Variants in RIPOR2 observed in about 807,000 individuals in gnomAD.
RIPOR2 encodes the protein RHO family interacting cell polarization regulator 2, also known as rho family-interacting cell polarization regulator 2.
RIPOR2 carries 39 observed loss-of-function variants against 114.5 expected under a neutral mutation model. That is an observed-to-expected ratio of 0.34 (90% CI 0.26 to 0.44). RIPOR2 has a LOEUF of 0.44. RIPOR2 is among the 20% of genes least tolerant of loss of function. The pLI is 1.00. For missense variants in RIPOR2, 1,007 were observed against 1,255.1 expected (o/e 0.80, Z 2.99); for synonymous variants, 445 against 484.4 (o/e 0.92, Z 1.07).
At chr6:24,907,756 A>G (rs1281965144) in intron 1 of RIPOR2, among the ~76,000 whole-genome samples, 3 of 152,208 alleles carry the variant, frequency 2.0e-5, no homozygotes, top group Admixed American at 6.5e-5. Flanking sequence ...GAAACTGCCT[A>G]TAAGTAAATG....
intron 1 of RIPOR2, among the ~76,000 whole-genome samples, chr6:25,020,200 A>G (rs1007834762): frequency 2.6e-5 from 4 of 152,242 alleles, no homozygotes; most frequent in African/African-American, 9.6e-5. Flanking sequence ...GGAATAATAA[A>G]CCAAGTAAGT....
chr6:25,035,483 A>G (rs956746289), intron 1 of RIPOR2, among the ~76,000 whole-genome samples: 25 of 152,158 alleles, frequency 1.6e-4, no homozygotes, highest in African/African-American at 5.8e-4. Context: ...TGTTGGTCAG[A>G]ACGGCAGCAA....
intron 19 of RIPOR2, 56 bp from the exon 20 acceptor site, chr6:24,818,681 G>T: frequency 1.8e-6 from 2 of 1,098,070 alleles, no homozygotes; most frequent in Non-Finnish European, 2.6e-6. Flanking sequence ...TAGTTTAAGA[G>T]GTATACCTCA....
intron 1 of RIPOR2, among the ~76,000 whole-genome samples, chr6:24,984,150 A>G (rs1269550239): frequency 1.3e-5 from 2 of 152,216 alleles, no homozygotes; most frequent in African/African-American, 2.4e-5. Flanking sequence ...AGAGAGAAAA[A>G]GAAATAAACT....
chr6:25,034,285 C>T (rs1312335806), intron 1 of RIPOR2, among the ~76,000 whole-genome samples: 2 of 138,344 alleles, frequency 1.4e-5, no homozygotes, highest in East Asian at 4.3e-4. Context: ...GTGCTACTGC[C>T]CAAGTTTACA....
chr6:24,950,267 C>T (rs1380035748), intron 1 of RIPOR2, among the ~76,000 whole-genome samples: 1 of 152,192 alleles, frequency 6.6e-6, no homozygotes, highest in East Asian at 1.9e-4. Flanking sequence ...CTGTCAAGTA[C>T]TTGCTTGGGC....
At chr6:25,019,496 G>A (rs1354440166) in intron 1 of RIPOR2, among the ~76,000 whole-genome samples, 7 of 152,066 alleles carry the variant, frequency 4.6e-5, no homozygotes, top group South Asian at 2.1e-4. Flanking sequence ...TCGGCGGGGC[G>A]CGGTGGCTCA....
intron 1 of RIPOR2, chr6:24,948,261 T>C (rs1772544419): frequency 6.6e-6 from 1 of 152,188 alleles, no homozygotes; most frequent in Admixed American, 6.5e-5. Flanking sequence ...AAAACTTCGA[T>C]TCCTGGATGT....
chr6:25,016,313 T>C (rs1053582737), intron 1 of RIPOR2, among the ~76,000 whole-genome samples: 1 of 152,082 alleles, frequency 6.6e-6, no homozygotes, highest in Non-Finnish European at 1.5e-5. Flanking sequence ...AAGCCCACAA[T>C]GTTGAAAAAT....
At chr6:24,886,815 T>G (rs1299003817) in intron 1 of RIPOR2, among the ~76,000 whole-genome samples, 1 of 152,222 alleles carries the variant, frequency 6.6e-6, no homozygotes, top group African/African-American at 2.4e-5. Context: ...TGATACATAG[T>G]TGGTAAGGAG....
At chr6:24,870,072 A>AG (rs1765012090) in intron 5 of RIPOR2, among the ~76,000 whole-genome samples, 1 of 152,226 alleles carries the variant, frequency 6.6e-6, no homozygotes, top group South Asian at 2.1e-4. Flanking sequence ...AAAAAGAAAG[A>AG]GAAAAAAAAT....
At chr6:24,894,894 TG>T (rs1767709422) in intron 1 of RIPOR2, among the ~76,000 whole-genome samples, 1 of 152,190 alleles carries the variant, frequency 6.6e-6, no homozygotes, top group Non-Finnish European at 1.5e-5. Flanking sequence ...TGGGTTTATT[TG>T]AAGACATCTG....
At chr6:25,011,484 A>G (rs1447770875) in intron 1 of RIPOR2, among the ~76,000 whole-genome samples, 1 of 152,200 alleles carries the variant, frequency 6.6e-6, no homozygotes. Flanking sequence ...ATCAAACCAC[A>G]GTTTAGTCTG....
chr6:24,987,164 T>A (rs1774566539), intron 1 of RIPOR2, among the ~76,000 whole-genome samples: 1 of 152,148 alleles, frequency 6.6e-6, no homozygotes, highest in Non-Finnish European at 1.5e-5. Flanking sequence ...TGCCCAACTC[T>A]CAACTGACTG....
At chr6:24,847,470 G>A (rs1581578761) in intron 12 of RIPOR2, 3 of 1,458,576 alleles carry the variant, frequency 2.1e-6, no homozygotes, top group East Asian at 5.0e-5. Context: ...GATAAAACAA[G>A]AGACATGCTA....
intron 1 of RIPOR2, among the ~76,000 whole-genome samples, chr6:24,899,320 G>A (rs533353313): frequency 1.2e-4 from 19 of 152,224 alleles, no homozygotes; most frequent in African/African-American, 4.1e-4. Flanking sequence ...TTGAAAAATG[G>A]GCACTTCTGG....
At chr6:24,938,096 A>G (rs569884600), upstream of RIPOR2, among the ~76,000 whole-genome samples, 1 of 152,270 alleles carries the variant, frequency 6.6e-6, no homozygotes, top group Non-Finnish European at 1.5e-5. Flanking sequence ...TCAGAATGTG[A>G]CCTTACTTAG....
chr6:24,840,662 C>G (rs1353264367), intron 13 of RIPOR2: 1 of 1,533,520 alleles, frequency 6.5e-7, no homozygotes, highest in Non-Finnish European at 8.7e-7. Context: ...GGCACAAAAG[C>G]ACATGGGAAA....
intron 1 of RIPOR2, among the ~76,000 whole-genome samples, chr6:24,983,247 C>T (rs1040485231): frequency 6.6e-6 from 1 of 151,826 alleles, no homozygotes; most frequent in Non-Finnish European, 1.5e-5. Flanking sequence ...CACAGGCACA[C>T]ACATATATAT....
Sources: allele counts gnomAD v4.1 joint callset (sites outside exome capture counted in the v4.1 genomes callset), GRCh38; gene constraint gnomAD v4.1.1; transcripts MANE v1.5; gene names NCBI Gene and HGNC (gene_info 2026-07-23, HGNC 2026-07-21).